PRR16: variants seen among roughly 807,000 people sequenced by gnomAD.
PRR16 encodes the protein protein Largen.
PRR16 carries 6 observed loss-of-function variants against 18.2 expected under a neutral mutation model. That is an observed-to-expected ratio of 0.33 (90% confidence interval 0.18 to 0.65). PRR16 has a LOEUF of 0.65. PRR16 is among the 30% of genes least tolerant of loss of function. The probability of loss-of-function intolerance (pLI) is 0.74; values close to 1 mark genes in which losing one functional copy is unlikely to be tolerated. For missense variants in PRR16, 412 were observed against 376.6 expected (o/e 1.09, Z -0.78); for synonymous variants, 151 against 147.8 (o/e 1.02, Z -0.16).
the PRR16 span, among the ~76,000 whole-genome samples, chr5:120,772,038 G>T: frequency 6.6e-6 from 1 of 151,814 alleles, no homozygotes; most frequent in African/African-American, 2.4e-5. Flanking sequence ...ATTTTCCAAG[G>T]ATTTTAAATA....
the PRR16 span, among the ~76,000 whole-genome samples, chr5:120,706,212 T>C: frequency 6.6e-6 from 1 of 152,202 alleles, no homozygotes; most frequent in African/African-American, 2.4e-5. Context: ...GTATTACCTT[T>C]AGATTAAAAT....
chr5:120,779,210 C>T, the PRR16 span, among the ~76,000 whole-genome samples: 1 of 152,032 alleles, frequency 6.6e-6, no homozygotes, highest in South Asian at 2.1e-4. Flanking sequence ...AATCTGGCTG[C>T]AACAGTTTCT....
rs193108604 is a variant in PRR16, at chr5:120,638,945, A to T, written c.160-47009A>T. On this transcript the variant is annotated intron_variant, in intron 1 of 1. Transcript: ENST00000407149. ...TTGAGGTACATATTTTATATGATTG[A>T]AGCCAATATCTTATCTGTGCAATTA... Among the ~76,000 whole-genome samples, 5 of 152,252 alleles carry T rather than the reference A, an allele frequency of 3.3e-5. No homozygotes were observed. In the East Asian group the frequency reaches 7.7e-4, roughly 24 times the overall value.
chr5:120,790,188 GCCAC>G, the PRR16 span: 2 of 152,042 alleles, frequency 1.3e-5, no homozygotes, highest in African/African-American at 4.8e-5. Flanking sequence ...GGTAAAAAAA[GCCAC>G]AGCCTTAAAT....
chr5:120,528,415 C>A (rs149443987), intron 1 of PRR16, among the ~76,000 whole-genome samples: 2,322 of 152,188 alleles, frequency 0.015, 22 homozygotes, highest in Middle Eastern at 0.13. Context: ...ACTCAAGATA[C>A]TGACCAACTC....
chr5:120,674,565 T>C (rs1341086425), intron 1 of PRR16, among the ~76,000 whole-genome samples: 1 of 152,148 alleles, frequency 6.6e-6, no homozygotes, highest in Non-Finnish European at 1.5e-5. Context: ...ATCATGTGAT[T>C]TGTATTTTTT....
intron 1 of PRR16, among the ~76,000 whole-genome samples, chr5:120,529,079 G>A (rs1211514441): frequency 6.6e-6 from 1 of 151,954 alleles, no homozygotes; most frequent in Non-Finnish European, 1.5e-5. Flanking sequence ...CAACTTAGCA[G>A]CATTAGTTCT....
intron 1 of PRR16, among the ~76,000 whole-genome samples, chr5:120,595,790 T>C (rs1015715370): frequency 3.9e-5 from 6 of 152,026 alleles, no homozygotes; most frequent in Non-Finnish European, 8.8e-5. Context: ...ACCTTTTTCA[T>C]GTAAATACTT....
chr5:120,520,309 C>T (rs563988417), intron 1 of PRR16, among the ~76,000 whole-genome samples: 2 of 152,156 alleles, frequency 1.3e-5, no homozygotes, highest in East Asian at 1.9e-4. Context: ...GCAGGAGAAT[C>T]GCTTGAACCT....
chr5:120,583,654 A>G (rs1450043035), intron 1 of PRR16, among the ~76,000 whole-genome samples: 1 of 152,126 alleles, frequency 6.6e-6, no homozygotes, highest in Non-Finnish European at 1.5e-5. Flanking sequence ...TGAACTGTCA[A>G]TGCTAAGCTT....
chr5:120,586,640 T>A (rs1309452932), intron 1 of PRR16, among the ~76,000 whole-genome samples: 2 of 152,174 alleles, frequency 1.3e-5, no homozygotes, highest in East Asian at 3.8e-4. Flanking sequence ...GCCACAAAAA[T>A]GCCTATATAA....
chr5:120,628,695 C>CATCTATCTATCTATCT (rs10590670), intron 1 of PRR16, among the ~76,000 whole-genome samples: 1 of 144,590 alleles, frequency 6.9e-6, no homozygotes, highest in African/African-American at 2.6e-5. Context: ...ATCATTCTAC[C>CATCTATCTATCTATCT]ATCTATCTAT....
At chr5:120,731,719 C>T in the PRR16 span, among the ~76,000 whole-genome samples, 1 of 152,154 alleles carries the variant, frequency 6.6e-6, no homozygotes, top group Non-Finnish European at 1.5e-5. Flanking sequence ...TGTATCCACT[C>T]TTAATTTTCA....
Position 120,505,061 on chromosome 5 carries a change from A to G in PRR16, c.159+40416A>G, listed in dbSNP as rs190092459. ...ATCTGGGGAATCATGCTATATTTCA[A>G]TCATTTCAAAATAATACTAAAAAAG... On this transcript the variant is annotated intron_variant, in intron 1 of 1. Coordinates refer to ENST00000407149, the MANE Select transcript of PRR16 (RefSeq NM_001300783.2). 3.5e-3 allele frequency among the ~76,000 whole-genome samples: 534 copies of G among 152,216 alleles called. 5 individuals are homozygous for G. The highest frequency in any genetic ancestry group is 0.012 in the African/African-American group (506 of 41,548).
At chr5:120,698,602 G>A in the PRR16 span, among the ~76,000 whole-genome samples, 1,270 of 151,478 alleles carry the variant, frequency 8.4e-3, 27 homozygotes, top group African/African-American at 0.028. Context: ...AAGTTTTTTG[G>A]GGCACAGTCT....
At chr5:120,513,608 T>G (rs1225007628) in intron 1 of PRR16, among the ~76,000 whole-genome samples, 1 of 152,162 alleles carries the variant, frequency 6.6e-6, no homozygotes, top group Non-Finnish European at 1.5e-5. Flanking sequence ...TTCCCCCTAC[T>G]GGCCCTCCTC....
intron 1 of PRR16, among the ~76,000 whole-genome samples, chr5:120,522,697 C>A (rs112641806): frequency 0.22 from 33,369 of 152,074 alleles, 3,949 homozygotes; most frequent in African/African-American, 0.3. Flanking sequence ...GCTCTGCCTC[C>A]CAGATTCACA....
At chr5:120,530,048 A>G (rs1035248570) in intron 1 of PRR16, among the ~76,000 whole-genome samples, 2 of 151,200 alleles carry the variant, frequency 1.3e-5, no homozygotes, top group Admixed American at 1.3e-4. Flanking sequence ...ATATTCTTAA[A>G]ACAATTTTTC....
chr5:120,472,108 T>C (rs1157058530), intron 1 of PRR16, among the ~76,000 whole-genome samples: 2 of 152,166 alleles, frequency 1.3e-5, no homozygotes, highest in Non-Finnish European at 2.9e-5. Flanking sequence ...AAATGTTTAC[T>C]TGTAGAATAA....
Sources: allele counts gnomAD v4.1 joint callset (sites outside exome capture counted in the v4.1 genomes callset), GRCh38; gene constraint gnomAD v4.1.1; transcripts MANE v1.5; gene names NCBI Gene and HGNC (gene_info 2026-07-23, HGNC 2026-07-21).